Variants in MLIP observed in about 807,000 individuals in gnomAD.
The protein encoded by MLIP is muscular LMNA-interacting protein.
A neutral mutation model predicts 84.8 loss-of-function variants in MLIP; 79 were observed. The observed-to-expected ratio is 0.93, with a 90% CI of 0.78 to 1.12. MLIP has a LOEUF of 1.12. MLIP is among the 50% of genes most tolerant of loss of function. The probability of loss-of-function intolerance (pLI) is 0.00; values close to 1 mark genes in which losing one functional copy is unlikely to be tolerated. For synonymous variants in MLIP, 504 were observed against 463.0 expected (o/e 1.09, Z -1.14); for missense variants, 1,257 against 1,160.6 (o/e 1.08, Z -1.21).
At chr6:54,135,842 C>T (rs1215506779) in intron 3 of MLIP, among the ~76,000 whole-genome samples, 2 of 152,172 alleles carry the variant, frequency 1.3e-5, no homozygotes, top group Non-Finnish European at 2.9e-5. Flanking sequence ...AGACTACCTA[C>T]ATCCAGTTGT....
At chr6:54,167,782 T>C (rs1775345448) in intron 8 of MLIP, among the ~76,000 whole-genome samples, 4 of 151,884 alleles carry the variant, frequency 2.6e-5, no homozygotes, top group African/African-American at 9.7e-5. Context: ...CTGAGATTAT[T>C]TTTTCTAGAC....
chr6:54,245,274 GTGAA>G (rs922813931), intron 12 of MLIP, among the ~76,000 whole-genome samples: 7 of 152,194 alleles, frequency 4.6e-5, no homozygotes, highest in African/African-American at 1.4e-4. Flanking sequence ...AAAGAAGGGA[GTGAA>G]TTCAAATTGA....
At chr6:54,169,304 T>C (rs1562009022) in intron 8 of MLIP, among the ~76,000 whole-genome samples, 1 of 151,674 alleles carries the variant, frequency 6.6e-6, no homozygotes, top group African/African-American at 2.4e-5. Flanking sequence ...TGAGTTGACA[T>C]CATCAATAAA....
At chr6:54,079,897 C>A (rs1201091625) in intron 1 of MLIP, among the ~76,000 whole-genome samples, 1 of 152,126 alleles carries the variant, frequency 6.6e-6, no homozygotes, top group Non-Finnish European at 1.5e-5. Context: ...TGCCTTCCTC[C>A]AACTACCGCT....
At position 54,068,705 on chromosome 6, in the gene MLIP, C is replaced by A. The variant is rs1450944074; in HGVS notation, c.63+49614C>A. Reference sequence around the variant, plus strand: ...TTAAGCACTTTGAATGTATTTTTAACCTCGTTTCCCATGACAACTTATGAG... The same window carrying A: ...TTAAGCACTTTGAATGTATTTTTAAACTCGTTTCCCATGACAACTTATGAG... On this transcript the variant is annotated intron_variant, in intron 1 of 12. Coordinates refer to the MLIP transcript ENST00000274897. 2.0e-5 allele frequency among the ~76,000 whole-genome samples: 2 copies of A among 100,742 alleles called. 1 individual carries two copies. Among genetic ancestry groups the A allele is most frequent in the Non-Finnish European group, 5.7e-5 (2 of 35,064 alleles). 66.1% of individuals were successfully genotyped at this position (100,742 alleles called of 152,430 possible). A position where few individuals can be genotyped will look rare whatever the true frequency, so the allele number is the denominator to read the frequency against.
intron 1 of MLIP, among the ~76,000 whole-genome samples, chr6:54,089,315 G>A (rs1459853944): frequency 6.6e-6 from 1 of 151,962 alleles, no homozygotes; most frequent in Non-Finnish European, 1.5e-5. Context: ...AAATTCCACC[G>A]GGAATTACCT....
At chr6:54,239,426 T>C (rs1781583347) in intron 12 of MLIP, among the ~76,000 whole-genome samples, 1 of 145,996 alleles carries the variant, frequency 6.8e-6, no homozygotes, top group South Asian at 2.1e-4. Flanking sequence ...AATAGAAACA[T>C]TATATATGTA....
chr6:54,236,501 C>T (rs570194700), intron 12 of MLIP, among the ~76,000 whole-genome samples: 2 of 152,262 alleles, frequency 1.3e-5, no homozygotes, highest in South Asian at 4.2e-4. Context: ...ACTCAAGAGG[C>T]TGAGGCAGGA....
At position 54,028,644 on chromosome 6, in the gene MLIP, C is replaced by T. The variant is rs559145080; in HGVS notation, c.63+9553C>T. Among the ~76,000 whole-genome samples the T allele has an allele frequency of 5.1e-4, 77 of 152,286 alleles. 1 individual carries two copies. Among genetic ancestry groups the T allele is most frequent in the African/African-American group, 1.8e-3 (75 of 41,574 alleles). ...AATTCTGGCATGTTTTGTTGTGCCA[C>T]TTGCTTCTGCTTATTCATTCATTCA... On this transcript the variant is annotated intron_variant, in intron 1 of 12. Coordinates refer to the MLIP transcript ENST00000274897.
At chr6:54,111,711 A>G (rs894998451) in intron 1 of MLIP, 136 bp downstream of exon 1, 8 of 907,960 alleles carry the variant, frequency 8.8e-6, no homozygotes, top group East Asian at 2.7e-5. Context: ...ATGAAATGCT[A>G]TCTTCACTTA....
At chr6:54,115,194 C>T (rs914653611) in intron 1 of MLIP, among the ~76,000 whole-genome samples, 2 of 152,098 alleles carry the variant, frequency 1.3e-5, no homozygotes, top group African/African-American at 4.8e-5. Context: ...GTGTGGTTTC[C>T]CCCAGGCATG....
intron 1 of MLIP, among the ~76,000 whole-genome samples, chr6:54,093,752 G>C (rs1270900962): frequency 2.6e-5 from 4 of 152,190 alleles, no homozygotes; most frequent in Non-Finnish European, 5.9e-5. Context: ...TACTGGCCCT[G>C]TGACCCACCA....
chr6:54,099,755 G>A (rs781290110), intron 1 of MLIP: 5 of 152,140 alleles, frequency 3.3e-5, no homozygotes, highest in African/African-American at 4.8e-5. Context: ...AAGTATTTAT[G>A]TTTTTAGAAT....
chr6:54,070,270 A>G (rs1009062004), intron 1 of MLIP, among the ~76,000 whole-genome samples: 1 of 152,142 alleles, frequency 6.6e-6, no homozygotes, highest in East Asian at 1.9e-4. Flanking sequence ...GAGCCTTAGA[A>G]TCGGGATGAT....
chr6:54,186,661 C>T (rs1777426357), intron 9 of MLIP, among the ~76,000 whole-genome samples: 1 of 152,118 alleles, frequency 6.6e-6, no homozygotes, highest in Non-Finnish European at 1.5e-5. Flanking sequence ...CAAACAACCC[C>T]TTATAAAAAC....
At chr6:54,060,619 G>A (rs572596518) in intron 1 of MLIP, among the ~76,000 whole-genome samples, 6 of 152,212 alleles carry the variant, frequency 3.9e-5, no homozygotes, top group Admixed American at 2.0e-4. Context: ...GTTACATTTC[G>A]ATATCTTTAG....
At chr6:54,227,721 C>A (rs183265752) in intron 11 of MLIP, among the ~76,000 whole-genome samples, 48 of 152,228 alleles carry the variant, frequency 3.2e-4, no homozygotes, top group Admixed American at 1.2e-3. Context: ...ATTTTCCAAC[C>A]TGGAATTTCA....
chr6:54,220,091 G>A lies in MLIP; in HGVS notation c.2719-10623G>A, dbSNP rs558776907. Among the ~76,000 whole-genome samples, 241 of 152,132 alleles carry A rather than the reference G, an allele frequency of 1.6e-3. 1 individual carries two copies. Among genetic ancestry groups the A allele is most frequent in the African/African-American group, 5.6e-3 (232 of 41,510 alleles). On this transcript the variant is annotated intron_variant, in intron 11 of 13. Coordinates refer to ENST00000502396, the MANE Select transcript of MLIP (RefSeq NM_001281747.2). Reference sequence around the variant, plus strand: ...AACATAAGCTTGTCATCAGACATACGTATCCATTTCAAACCCTGAAAATCT... The same window carrying A: ...AACATAAGCTTGTCATCAGACATACATATCCATTTCAAACCCTGAAAATCT...
chr6:54,134,423 A>G (rs1771639130), intron 3 of MLIP, among the ~76,000 whole-genome samples: 1 of 151,970 alleles, frequency 6.6e-6, no homozygotes, highest in South Asian at 2.1e-4. Flanking sequence ...AGAAAGGAAT[A>G]TGTTGCATAT....
Sources: allele counts gnomAD v4.1 joint callset (sites outside exome capture counted in the v4.1 genomes callset), GRCh38; gene constraint gnomAD v4.1.1; transcripts MANE v1.5; gene names NCBI Gene and HGNC (gene_info 2026-07-23, HGNC 2026-07-21).